Variants in AP3B1 observed in about 807,000 individuals in gnomAD.
AP3B1 encodes the protein AP-3 complex subunit beta-1.
A neutral mutation model predicts 132.5 loss-of-function variants in AP3B1; 61 were observed. That is an observed-to-expected ratio of 0.46 (90% CI 0.37 to 0.57). The LOEUF (loss-of-function observed/expected upper bound fraction) is 0.57, where lower values mean the gene tolerates loss of function less well. Among genes scored for constraint, AP3B1 ranks in the 20% least tolerant of loss-of-function variants. AP3B1 has a pLI of 0.00. For missense variants in AP3B1, 1,120 were observed against 1,289.4 expected, an observed-to-expected ratio of 0.87 and a Z score of 2.01; for synonymous variants, 388 against 438.3, an observed-to-expected ratio of 0.89 and a Z score of 1.43.
chr5:78,154,576 A>C (rs896266969), intron 14 of AP3B1, among the ~76,000 whole-genome samples: 3 of 152,094 alleles, frequency 2.0e-5, no homozygotes, highest in African/African-American at 7.2e-5. Flanking sequence ...TAACACCAAT[A>C]TCTCTTAGAT....
intron 26 of AP3B1, among the ~76,000 whole-genome samples, chr5:78,007,191 G>A (rs965330716): frequency 1.3e-5 from 2 of 152,120 alleles, no homozygotes; most frequent in Non-Finnish European, 2.9e-5. Context: ...TAACATTAAC[G>A]GTACAGCATG....
chr5:78,118,631 C>G (rs1477371623), intron 17 of AP3B1, among the ~76,000 whole-genome samples: 1 of 152,128 alleles, frequency 6.6e-6, no homozygotes, highest in Non-Finnish European at 1.5e-5. Flanking sequence ...GGGGGAGGGG[C>G]GCCTGCCATT....
chr5:78,043,170 C>CTG, intron 22 of AP3B1: 1 of 153,364 alleles, frequency 6.5e-6, no homozygotes, highest in Admixed American at 6.5e-5. Flanking sequence ...GTGTAACACT[C>CTG]TGTCGTCCAG....
intron 12 of AP3B1, among the ~76,000 whole-genome samples, chr5:78,163,989 G>A (rs1743506690): frequency 6.6e-6 from 1 of 151,850 alleles, no homozygotes; most frequent in South Asian, 2.1e-4. Flanking sequence ...AAATGGAGGA[G>A]AAAACCTAAA....
At chr5:78,277,262 A>G (rs1318216435) in intron 1 of AP3B1, among the ~76,000 whole-genome samples, 2 of 152,242 alleles carry the variant, frequency 1.3e-5, no homozygotes, top group Admixed American at 6.5e-5. Context: ...GGCCTAGCAC[A>G]TTTATTTATT....
intron 2 of AP3B1, among the ~76,000 whole-genome samples, chr5:78,262,450 T>TAA (rs889432136): frequency 3.9e-5 from 6 of 152,208 alleles, no homozygotes; most frequent in Admixed American, 6.5e-5. Context: ...CATATATATA[T>TAA]AATCCAGTTT....
intron 8 of AP3B1, among the ~76,000 whole-genome samples, chr5:78,181,055 A>G (rs1037046427): frequency 1.3e-5 from 2 of 152,100 alleles, no homozygotes; most frequent in Non-Finnish European, 2.9e-5. Flanking sequence ...TCTATCAGAC[A>G]GATACAAACA....
rs141625232 is a variant in AP3B1, at chr5:78,167,623, TTA to T, written c.1168-1953_1168-1952del. ...AATCAACATGTGGATAAAGAACATG[TTA>T]TATATATACACACACACACACACAC... is the stretch of plus-strand genomic sequence containing the variant. On this transcript the variant is annotated intron_variant, in intron 11 of 26. Transcript: ENST00000255194. 4.1e-3 allele frequency among the ~76,000 whole-genome samples: 583 copies of T among 140,838 alleles called. 3 individuals carry two copies. The highest frequency in any genetic ancestry group is 0.015 in the African/African-American group (542 of 37,306). The allele number at this position is 140,838 out of a possible 152,430, so 92.4% of individuals were successfully genotyped here.
chr5:78,103,092 C>T (rs957354384), intron 20 of AP3B1, among the ~76,000 whole-genome samples: 4 of 152,120 alleles, frequency 2.6e-5, no homozygotes, highest in South Asian at 2.1e-4. Flanking sequence ...TCTGAATCAA[C>T]GCTATAAAAT....
intron 22 of AP3B1, among the ~76,000 whole-genome samples, chr5:78,076,429 G>A (rs1229618610): frequency 6.6e-6 from 1 of 152,122 alleles, no homozygotes; most frequent in Non-Finnish European, 1.5e-5. Flanking sequence ...CTTGAGGGGC[G>A]ACCTCTAAAC....
intron 2 of AP3B1, among the ~76,000 whole-genome samples, chr5:78,246,254 A>G (rs979840031): frequency 6.6e-6 from 1 of 152,104 alleles, no homozygotes; most frequent in African/African-American, 2.4e-5. Flanking sequence ...CCCAACATCA[A>G]TGTTTTTACT....
At chr5:78,099,355 A>G (rs751167955) in intron 21 of AP3B1, among the ~76,000 whole-genome samples, 1 of 152,232 alleles carries the variant, frequency 6.6e-6, no homozygotes, top group Non-Finnish European at 1.5e-5. Flanking sequence ...GCAGGGGAAC[A>G]GCAGTAGAAA....
chr5:78,237,468 C>T (rs1031783177), intron 3 of AP3B1, among the ~76,000 whole-genome samples: 5 of 151,598 alleles, frequency 3.3e-5, no homozygotes, highest in Admixed American at 1.3e-4. Context: ...CAGTTCCCCC[C>T]CAAAAAAAGC....
At chr5:78,164,384 T>C (rs1743523742) in intron 12 of AP3B1, among the ~76,000 whole-genome samples, 1 of 152,084 alleles carries the variant, frequency 6.6e-6, no homozygotes, top group African/African-American at 2.4e-5. Flanking sequence ...GAAACAGGTC[T>C]AGTATGTGCC....
intron 6 of AP3B1, chr5:78,222,126 A>C (rs66599606): frequency 0.19 from 27,829 of 147,162 alleles, 2,770 homozygotes; most frequent in Admixed American, 0.28. Context: ...TTCATTCTCT[A>C]AAAAAAAAAA....
At chr5:78,037,978 T>C (rs1747873624) in intron 23 of AP3B1, among the ~76,000 whole-genome samples, 1 of 152,228 alleles carries the variant, frequency 6.6e-6, no homozygotes, top group Non-Finnish European at 1.5e-5. Context: ...TTAAAGGGTA[T>C]ATTTTTAGCA....
At chr5:78,225,652 T>A in intron 5 of AP3B1, 44 bp from the exon 6 acceptor site, 1 of 1,241,084 alleles carries the variant, frequency 8.1e-7, no homozygotes, top group Non-Finnish European at 1.2e-6. Flanking sequence ...CCTTTAATTC[T>A]AGCTTTACAT....
intron 22 of AP3B1, among the ~76,000 whole-genome samples, chr5:78,088,801 A>G (rs1481000486): frequency 2.0e-5 from 3 of 152,208 alleles, no homozygotes; most frequent in Admixed American, 6.5e-5. Flanking sequence ...CTAACACAAT[A>G]AACAGTTGTT....
At chr5:78,103,738 A>G (rs1204615924) in intron 20 of AP3B1, among the ~76,000 whole-genome samples, 2 of 152,148 alleles carry the variant, frequency 1.3e-5, no homozygotes, top group Non-Finnish European at 2.9e-5. Context: ...TTTTGTTTCT[A>G]TGGTATTCAA....
Sources: gnomAD v4.1 joint callset for allele counts (sites outside exome capture counted in the v4.1 genomes callset) on GRCh38, gnomAD v4.1.1 for gene constraint, MANE v1.5 for transcripts, NCBI Gene and HGNC (gene_info 2026-07-23, HGNC 2026-07-21) for gene names.